Variants in PCDHA9 observed in about 807,000 individuals in gnomAD.
The protein encoded by PCDHA9 is protocadherin alpha-9.
PCDHA9 carries 62 observed loss-of-function variants against 62.0 expected under a neutral mutation model. That is an observed-to-expected ratio of 1.00 (90% CI 0.81 to 1.23). The LOEUF (loss-of-function observed/expected upper bound fraction) is 1.23. PCDHA9 is among the 50% of genes most tolerant of loss of function. The probability of loss-of-function intolerance (pLI) is 0.00; values close to 1 mark genes in which losing one functional copy is unlikely to be tolerated. For missense variants in PCDHA9, 1,205 were observed against 1,249.8 expected (o/e 0.96, Z 0.54); for synonymous variants, 557 against 567.6 (o/e 0.98, Z 0.27).
chr5:140,945,801 C>T (rs1371269109), intron 1 of PCDHA9, among the ~76,000 whole-genome samples: 2 of 152,026 alleles, frequency 1.3e-5, no homozygotes, highest in East Asian at 3.9e-4. Context: ...GAAACTAGAC[C>T]CTTATCTCAC....
At chr5:140,968,904 G>A (rs1554231223) in intron 1 of PCDHA9, 1 of 1,614,058 alleles carries the variant, frequency 6.2e-7, no homozygotes, top group Non-Finnish European at 8.5e-7. Flanking sequence ...ATAGCATTAA[G>A]CACAGTGTCT....
intron 1 of PCDHA9, among the ~76,000 whole-genome samples, chr5:140,906,513 G>A (rs1398874448): frequency 1.3e-5 from 2 of 152,176 alleles, no homozygotes; most frequent in Non-Finnish European, 2.9e-5. Context: ...AAAGAAGGAG[G>A]AAATACTCAC....
At chr5:140,919,489 T>C (rs1554199092) in intron 1 of PCDHA9, among the ~76,000 whole-genome samples, 2 of 152,222 alleles carry the variant, frequency 1.3e-5, no homozygotes, top group African/African-American at 4.8e-5. Context: ...TTATGTTTGT[T>C]ATTTTACTCC....
chr5:140,990,524 G>T (rs782064217), intron 3 of PCDHA9, among the ~76,000 whole-genome samples: 2 of 151,978 alleles, frequency 1.3e-5, no homozygotes, highest in Non-Finnish European at 2.9e-5. Flanking sequence ...TGTCTTTTTT[G>T]ACTGTGCATC....
intron 1 of PCDHA9, among the ~76,000 whole-genome samples, chr5:140,894,631 A>G (rs1413513485): frequency 6.6e-6 from 1 of 151,582 alleles, no homozygotes; most frequent in Non-Finnish European, 1.5e-5. Flanking sequence ...TTCTCCAATC[A>G]TATCATTACT....
chr5:140,926,755 T>G, intron 1 of PCDHA9: 4 of 1,282,566 alleles, frequency 3.1e-6, no homozygotes, highest in Non-Finnish European at 4.0e-6. Context: ...CGGCGGTCGC[T>G]GAGTATCCAG....
chr5:140,907,789 G>A (rs187759241), intron 1 of PCDHA9, among the ~76,000 whole-genome samples: 1 of 152,330 alleles, frequency 6.6e-6, no homozygotes, highest in Non-Finnish European at 1.5e-5. Flanking sequence ...GCTGGGGAAA[G>A]AGGCTAAGTG....
intron 1 of PCDHA9, among the ~76,000 whole-genome samples, chr5:140,915,075 A>G (rs111889109): frequency 6.6e-6 from 1 of 151,436 alleles, no homozygotes; most frequent in South Asian, 2.1e-4. Context: ...CCTACTGAGT[A>G]GCTGGGACTA....
intron 1 of PCDHA9, among the ~76,000 whole-genome samples, chr5:140,978,103 A>G (rs2096789005): frequency 6.6e-6 from 1 of 152,106 alleles, no homozygotes; most frequent in South Asian, 2.1e-4. Flanking sequence ...AACTCCCCCA[A>G]CAGTCTTTAA....
intron 1 of PCDHA9, among the ~76,000 whole-genome samples, chr5:140,910,994 CT>C (rs1312142604): frequency 2.0e-5 from 3 of 152,222 alleles, no homozygotes; most frequent in African/African-American, 7.2e-5. Flanking sequence ...AACCTCACCC[CT>C]AGGGCCCTCC....
At chr5:140,854,372 C>A in intron 1 of PCDHA9, 1 of 156,718 alleles carries the variant, frequency 6.4e-6, no homozygotes, top group South Asian at 2.0e-4. Context: ...TATTTTGATA[C>A]ATAACTCATT....
At chr5:140,981,629 G>A (rs1342775971) in intron 2 of PCDHA9, among the ~76,000 whole-genome samples, 1 of 151,994 alleles carries the variant, frequency 6.6e-6, no homozygotes. Flanking sequence ...GGTTTTCTTG[G>A]ACATTTTCTC....
intron 1 of PCDHA9, chr5:140,870,682 C>G: frequency 6.2e-7 from 1 of 1,612,762 alleles, no homozygotes; most frequent in South Asian, 1.1e-5. Flanking sequence ...CCACGAGGAG[C>G]TGGAGCTGCT....
intron 1 of PCDHA9, chr5:140,870,846 G>T: frequency 6.2e-7 from 1 of 1,613,860 alleles, no homozygotes; most frequent in Non-Finnish European, 8.5e-7. Context: ...AGCTAGTACC[G>T]CGGTCGGTGG....
intron 3 of PCDHA9, among the ~76,000 whole-genome samples, chr5:141,000,094 C>G (rs782020096): frequency 1.3e-5 from 2 of 152,128 alleles, no homozygotes; most frequent in Non-Finnish European, 2.9e-5. Flanking sequence ...GTGAATGGAG[C>G]TCAACTCCGT....
chr5:141,008,323 A>C lies in PCDHA9; in HGVS notation c.2543-1304A>C, dbSNP rs2098370005. ...CCCTAAACTGTAATTGAACATAAACAGTTTATTTGATGGAGCTTTTCACGT... is the reference window on the plus strand; with the variant it reads ...CCCTAAACTGTAATTGAACATAAACCGTTTATTTGATGGAGCTTTTCACGT... On this transcript the variant is annotated intron_variant, in intron 3 of 3. Transcript: ENST00000532602. 2.0e-5 allele frequency among the ~76,000 whole-genome samples: 3 copies of C among 152,242 alleles called. No individual in the cohort carries two copies. The South Asian group carries it at 6.2e-4, about 32-fold the overall frequency.
At chr5:140,978,615 T>C in intron 1 of PCDHA9, among the ~76,000 whole-genome samples, 1 of 152,238 alleles carries the variant, frequency 6.6e-6, no homozygotes, top group East Asian at 1.9e-4. Context: ...GCAAAAGCAG[T>C]GAAAGCTTTT....
intron 3 of PCDHA9, among the ~76,000 whole-genome samples, chr5:140,997,376 C>T (rs1554255857): frequency 2.6e-5 from 4 of 152,144 alleles, no homozygotes. Flanking sequence ...GATGATATAG[C>T]ATACTACACA....
chr5:140,850,457 C>A lies in PCDHA9; in HGVS notation c.1962C>A (p.His654Gln). ...GCCTACTGGTGCTGGTGAAAGACCA[C>A]GGGGAGCCAGCGCTGACGGCCACGG... Reference protein sequence around the residue: ...RQRLLVLVKDHGEPALTATAT... With the variant: ...RQRLLVLVKDQGEPALTATAT... The change falls in exon 1 of 4, where the codon CAC (histidine) becomes CAA (glutamine). Residue 654 changes from histidine to glutamine, a missense_variant. His to Gln is a conservative substitution (Grantham distance 24). Around this residue, in one of 3 missense-constraint regions of PCDHA9, gnomAD observed 887 missense variants for 809.5 expected, o/e 1.10. Transcript: ENST00000532602. The A allele has an allele frequency of 3.1e-6, 5 of 1,597,798 alleles. 1 individual carries two copies. Among genetic ancestry groups the A allele is most frequent in the Non-Finnish European group, 4.3e-6 (5 of 1,167,620 alleles).
Sources: gnomAD v4.1 joint callset for allele counts (sites outside exome capture counted in the v4.1 genomes callset) on GRCh38, gnomAD v4.1.1 for gene constraint, gnomAD v4.1.1 regional missense constraint, MANE v1.5 for transcripts, NCBI Gene and HGNC (gene_info 2026-07-23, HGNC 2026-07-21) for gene names.